The following PTPRD variants were observed in gnomAD, a reference collection of about 807,000 sequenced individuals.
The protein encoded by PTPRD is receptor-type tyrosine-protein phosphatase delta.
A neutral mutation model predicts 214.5 loss-of-function variants in PTPRD; 34 were observed. The observed-to-expected ratio is 0.16, with a 90% CI of 0.12 to 0.21. The LOEUF (loss-of-function observed/expected upper bound fraction) is 0.21, where lower values mean the gene tolerates loss of function less well. Among genes scored for constraint, PTPRD ranks in the 10% least tolerant of loss-of-function variants. The pLI, the probability that PTPRD is intolerant of heterozygous loss-of-function variation, is 1.00. For missense variants in PTPRD, 2,545 were observed against 2,398.7 expected, an observed-to-expected ratio of 1.06 and a Z score of -1.27; for synonymous variants, 1,128 against 845.7, an observed-to-expected ratio of 1.33 and a Z score of -5.79.
intron 11 of PTPRD, among the ~76,000 whole-genome samples, chr9:8,937,180 A>G (rs1262088853): frequency 2.0e-5 from 3 of 152,176 alleles, no homozygotes; most frequent in Non-Finnish European, 4.4e-5. Context: ...TCTCCAAACA[A>G]TTTGAGACAG....
intron 11 of PTPRD, among the ~76,000 whole-genome samples, chr9:8,790,152 G>A (rs2096166168): frequency 6.6e-6 from 1 of 151,918 alleles, no homozygotes; most frequent in Admixed American, 6.6e-5. Flanking sequence ...GAATAGCTGG[G>A]ACTACAGGCA....
intron 2 of PTPRD, among the ~76,000 whole-genome samples, chr9:10,341,352 G>A (rs903600265): frequency 6.6e-6 from 1 of 151,918 alleles, no homozygotes; most frequent in African/African-American, 2.4e-5. Context: ...CAAGAATTGT[G>A]CTGAGTACAT....
At chr9:9,573,710 C>A (rs904586711) in intron 8 of PTPRD, among the ~76,000 whole-genome samples, 14 of 151,712 alleles carry the variant, frequency 9.2e-5, no homozygotes, top group African/African-American at 3.4e-4. Context: ...CCAAATTTCT[C>A]CCATTATCAG....
chr9:8,568,245 G>C (rs1183560305), intron 14 of PTPRD, among the ~76,000 whole-genome samples: 2 of 152,090 alleles, frequency 1.3e-5, no homozygotes, highest in African/African-American at 2.4e-5. Context: ...ACCTTAGGGA[G>C]TTATTCTTTG....
chr9:8,792,343 C>T (rs565093959), intron 11 of PTPRD, among the ~76,000 whole-genome samples: 15 of 152,222 alleles, frequency 9.9e-5, no homozygotes, highest in South Asian at 2.1e-4. Flanking sequence ...CCAGAACATA[C>T]GCATTAAAAA....
chr9:8,658,338 A>G (rs2096955856), intron 12 of PTPRD, among the ~76,000 whole-genome samples: 1 of 152,202 alleles, frequency 6.6e-6, no homozygotes, highest in Admixed American at 6.5e-5. Flanking sequence ...TTGGTAAATT[A>G]ACAAGTGCTA....
At chr9:9,398,109 C>T in intron 8 of PTPRD, among the ~76,000 whole-genome samples, 1 of 150,550 alleles carries the variant, frequency 6.6e-6, no homozygotes, top group Non-Finnish European at 1.5e-5. Context: ...CTCCCTCCCT[C>T]CCTGCTTCTC....
Position 8,687,794 on chromosome 9 carries a change from T to C in PTPRD, c.64+45986A>G, listed in dbSNP as rs559615220. Among the ~76,000 whole-genome samples the C allele has an allele frequency of 9.3e-4, 141 of 152,252 alleles. 1 individual carries two copies. The highest frequency in any genetic ancestry group is 1.6e-3 in the Admixed American group (25 of 15,288). On this transcript the variant is annotated intron_variant, in intron 12 of 45. Transcript: ENST00000381196. ...TTTTCTCAGAGTAAGTTTCACATTT[T>C]ATATACTACTCATATTCCCTGAGAA...
At chr9:8,534,594 T>C (rs573324801) in intron 14 of PTPRD, among the ~76,000 whole-genome samples, 7 of 149,954 alleles carry the variant, frequency 4.7e-5, no homozygotes, top group Non-Finnish European at 8.9e-5. Context: ...AGACGAGTAA[T>C]ATGCAGCGTA....
chr9:9,369,711 C>G (rs1596491188), intron 9 of PTPRD, among the ~76,000 whole-genome samples: 1 of 152,094 alleles, frequency 6.6e-6, no homozygotes, highest in East Asian at 1.9e-4. Context: ...ATGGTATTGC[C>G]TAGGTTTTCT....
At chr9:8,800,224 G>C (rs192971227) in intron 11 of PTPRD, among the ~76,000 whole-genome samples, 1 of 151,674 alleles carries the variant, frequency 6.6e-6, no homozygotes, top group African/African-American at 2.4e-5. Flanking sequence ...CATTTTTTTG[G>C]CTTTTTTTAA....
chr9:9,613,962 T>C (rs2094695972), intron 7 of PTPRD, among the ~76,000 whole-genome samples: 1 of 152,210 alleles, frequency 6.6e-6, no homozygotes, highest in African/African-American at 2.4e-5. Flanking sequence ...TTTGAAATGA[T>C]GCTCTGTTAC....
chr9:9,284,582 A>G (rs1948776008), intron 9 of PTPRD, among the ~76,000 whole-genome samples: 1 of 151,730 alleles, frequency 6.6e-6, no homozygotes, highest in Non-Finnish European at 1.5e-5. Context: ...CCAGTCCCTC[A>G]GAGAAGTTTT....
chr9:9,624,461 T>C lies in PTPRD; in HGVS notation c.-286-49680A>G, dbSNP rs142002412. On this transcript the variant is annotated intron_variant, in intron 7 of 45. Coordinates refer to ENST00000381196, the MANE Select transcript of PTPRD (RefSeq NM_002839.4). ...CCATGTCTGGCTAATTTTTTTTTTG[T>C]ATTTTTAGTAGAGACAGGTTTTTGC... Among the ~76,000 whole-genome samples the C allele has an allele frequency of 6.3e-4, 95 of 151,972 alleles. No individual in the cohort carries two copies. In the East Asian group the frequency reaches 0.015, roughly 24 times the overall value.
At chr9:8,517,803 C>T (rs759376355) in intron 21 of PTPRD, 45 bp downstream of exon 21, 1 of 1,527,078 alleles carries the variant, frequency 6.5e-7, no homozygotes, top group East Asian at 2.3e-5. Flanking sequence ...CCTCTTTGCA[C>T]CAGCCCTTCC....
intron 4 of PTPRD, among the ~76,000 whole-genome samples, chr9:9,949,758 T>A (rs912302276): frequency 6.6e-6 from 1 of 152,136 alleles, no homozygotes; most frequent in African/African-American, 2.4e-5. Flanking sequence ...GTATGTAGAC[T>A]CAGGTCATGT....
rs564134638 is a variant in PTPRD at position 9,975,954 on chromosome 9, A to C, written c.-471-37344T>G. Among the ~76,000 whole-genome samples the C allele has an allele frequency of 2.0e-5, 3 of 152,298 alleles. No individual in the cohort carries two copies. In the South Asian group the frequency reaches 6.2e-4, roughly 32 times the overall value. On this transcript the variant is annotated intron_variant, in intron 4 of 45. Transcript: ENST00000381196. ...GTGCTACTAACGTTAAGTGAACTAGACCTGAAAAGCAGTAGAAGGCATTCC... is the reference window on the plus strand; with the variant it reads ...GTGCTACTAACGTTAAGTGAACTAGCCCTGAAAAGCAGTAGAAGGCATTCC...
intron 10 of PTPRD, among the ~76,000 whole-genome samples, chr9:9,081,821 T>C (rs1372522723): frequency 6.7e-6 from 1 of 150,304 alleles, no homozygotes; most frequent in Non-Finnish European, 1.5e-5. Flanking sequence ...TTGCAACTCC[T>C]GCTTTTTTTT....
chr9:10,271,452 G>GA (rs1052374705), intron 3 of PTPRD, among the ~76,000 whole-genome samples: 1 of 131,086 alleles, frequency 7.6e-6, no homozygotes, highest in Non-Finnish European at 1.7e-5. Flanking sequence ...AAATTGCAAT[G>GA]AAAAAATATT....
Sources: gnomAD v4.1 joint callset for allele counts (sites outside exome capture counted in the v4.1 genomes callset) on GRCh38, gnomAD v4.1.1 for gene constraint, MANE v1.5 for transcripts, NCBI Gene and HGNC (gene_info 2026-07-23, HGNC 2026-07-21) for gene names.